The following LPGAT1 variants were observed in gnomAD, a reference collection of about 807,000 sequenced individuals.
The protein encoded by LPGAT1 is acyl-CoA:lysophosphatidylglycerol acyltransferase 1.
LPGAT1 carries 11 observed loss-of-function variants against 47.5 expected under a neutral mutation model. The observed-to-expected ratio is 0.23, with a 90% CI of 0.15 to 0.38. The LOEUF is 0.38. Among genes scored for constraint, LPGAT1 ranks in the 10% least tolerant of loss-of-function variants. The pLI, the probability that LPGAT1 is intolerant of heterozygous loss-of-function variation, is 1.00. For synonymous variants in LPGAT1, 138 were observed against 144.2 expected (o/e 0.96, Z 0.31); for missense variants, 293 against 439.0 (o/e 0.67, Z 2.97).
At chr1:211,784,407 C>A (rs1054192522) in intron 4 of LPGAT1, among the ~76,000 whole-genome samples, 1 of 151,002 alleles carries the variant, frequency 6.6e-6, no homozygotes, top group Admixed American at 6.6e-5. Context: ...AGGAGGATCA[C>A]TTGTGCCCAC....
In LPGAT1 at chr1:211,777,102, C is replaced by T. The variant is rs74630970; in HGVS notation, c.854+1816G>A. On this transcript the variant is annotated intron_variant, in intron 6 of 7. Transcript: ENST00000366997. The stretch of plus-strand genomic sequence containing the variant: ...AATGAACGAAAATTCTGAATTAAAA[C>T]CATTCTTTCTTTCCCTACGCCCCTT... Among the ~76,000 whole-genome samples the T allele has an allele frequency of 5.5e-3, 844 of 152,194 alleles. 6 individuals carry two copies. Among genetic ancestry groups the T allele is most frequent in the African/African-American group, 0.02 (812 of 41,512 alleles).
intron 5 of LPGAT1, 50 bp from the exon 6 acceptor site, chr1:211,779,094 C>T: frequency 6.9e-7 from 1 of 1,447,110 alleles, no homozygotes; most frequent in Non-Finnish European, 9.3e-7. Context: ...TTTATATTAT[C>T]TGCAGCAAAT....
chr1:211,754,946 G>A (rs756871168), intron 6 of LPGAT1, among the ~76,000 whole-genome samples: 48 of 151,874 alleles, frequency 3.2e-4, no homozygotes, highest in Non-Finnish European at 1.6e-4. Flanking sequence ...CCCAGGAGGT[G>A]GAGGTTGCAG....
intron 6 of LPGAT1, among the ~76,000 whole-genome samples, chr1:211,761,191 G>A (rs1657684372): frequency 6.6e-6 from 1 of 152,150 alleles, no homozygotes; most frequent in African/African-American, 2.4e-5. Flanking sequence ...CTCACCAAGG[G>A]AAAGGATTAT....
At chr1:211,750,446 AG>A (rs1657129097) in intron 7 of LPGAT1, among the ~76,000 whole-genome samples, 1 of 152,208 alleles carries the variant, frequency 6.6e-6, no homozygotes, top group South Asian at 2.1e-4. Context: ...AATCTGCATG[AG>A]AGCAGGCACT....
chr1:211,797,639 A>C (rs1258831883), intron 2 of LPGAT1, among the ~76,000 whole-genome samples: 1 of 152,232 alleles, frequency 6.6e-6, no homozygotes, highest in African/African-American at 2.4e-5. Flanking sequence ...CAGATGAAGT[A>C]GCTATGCTCC....
intron 6 of LPGAT1, among the ~76,000 whole-genome samples, chr1:211,756,085 A>C (rs1657436470): frequency 6.6e-6 from 1 of 152,068 alleles, no homozygotes; most frequent in African/African-American, 2.4e-5. Flanking sequence ...AAAATACAAA[A>C]ACTAGCCCGG....
intron 6 of LPGAT1, among the ~76,000 whole-genome samples, chr1:211,752,214 A>G (rs1057063681): frequency 2.6e-5 from 4 of 152,160 alleles, no homozygotes; most frequent in Non-Finnish European, 5.9e-5. Flanking sequence ...TTTTCCATGT[A>G]CATGTAACAA....
rs184369618 is a variant in LPGAT1, at chr1:211,755,839, A to C, written c.855-4772T>G. 1.2e-4 allele frequency among the ~76,000 whole-genome samples: 19 copies of C among 152,370 alleles called. No individual in the cohort carries two copies. In the East Asian group the frequency reaches 2.1e-3, roughly 17 times the overall value. ...TTAATAACCTTCTATCTCCCAAAAT[A>C]CAATACTACATTGCTCTACAGCAGT... On this transcript the variant is annotated intron_variant, in intron 6 of 7. Transcript: ENST00000366997.
intron 6 of LPGAT1, among the ~76,000 whole-genome samples, chr1:211,766,442 A>C (rs1476140076): frequency 1.3e-5 from 2 of 152,150 alleles, no homozygotes; most frequent in Non-Finnish European, 2.9e-5. Context: ...AATACACCTA[A>C]CCTACTGAAC....
rs971058329 is a variant in LPGAT1 at position 211,745,419 on chromosome 1, C to T, written c.*4480G>A. ...TAAGTTACTGTAAAATGCATAGACTCCTTACACGTAAAGAATTTGTGCATC... is the reference window on the plus strand; with the variant it reads ...TAAGTTACTGTAAAATGCATAGACTTCTTACACGTAAAGAATTTGTGCATC... On this transcript the variant is annotated 3_prime_UTR_variant, in exon 8 of 8. Transcript: ENST00000366997. 1.3e-5 allele frequency: 2 copies of T among 152,178 alleles called. No individual in the cohort carries two copies. The highest frequency in any genetic ancestry group is 2.9e-5 in the Non-Finnish European group (2 of 68,036). 9.4% of individuals were successfully genotyped at this position (152,178 alleles called of 1,614,324 possible).
intron 2 of LPGAT1, among the ~76,000 whole-genome samples, chr1:211,795,118 C>T (rs1018117044): frequency 6.6e-6 from 1 of 152,010 alleles, no homozygotes; most frequent in African/African-American, 2.4e-5. Flanking sequence ...ATCGGTTCCA[C>T]AACAATGTGA....
Position 211,830,230 on chromosome 1 carries a change from T to TC in LPGAT1, c.-28+342dup. On this transcript the variant is annotated intron_variant, in intron 1 of 7. Transcript: ENST00000366997. The surrounding 1 kb of genome is among the most constrained non-coding windows in gnomAD (Gnocchi z 5.9). ...CGGCTGCGGAGAGCGGGGGCGGGTG[T>TC]CCCCCGCCGAGGGGTCGCGGTCATG... is the stretch of plus-strand genomic sequence containing the variant. The TC allele has an allele frequency of 1.0e-6, 1 of 983,906 alleles. No individual in the cohort carries two copies. Among genetic ancestry groups the TC allele is most frequent in the Non-Finnish European group, 1.2e-6 (1 of 829,942 alleles). 60.9% of individuals were successfully genotyped at this position (983,906 alleles called of 1,614,324 possible). A position where few individuals can be genotyped will look rare whatever the true frequency, so the allele number is the denominator to read the frequency against.
intron 5 of LPGAT1, 122 bp from the exon 6 acceptor site, chr1:211,779,166 T>A (rs1571720060): frequency 3.0e-6 from 2 of 675,964 alleles, no homozygotes; most frequent in East Asian, 6.2e-5. Flanking sequence ...AGAAAAATTC[T>A]AAGGATGAAC....
chr1:211,808,982 G>C (rs552602405), intron 2 of LPGAT1, among the ~76,000 whole-genome samples: 34 of 151,920 alleles, frequency 2.2e-4, no homozygotes, highest in Non-Finnish European at 4.3e-4. Context: ...CGGATCACGA[G>C]GTCAGGAGAT....
In LPGAT1 at chr1:211,748,115, C is replaced by A. The variant is rs1437956021; in HGVS notation, c.*1784G>T. The A allele has an allele frequency of 1.3e-5, 2 of 152,190 alleles. No individual in the cohort carries two copies. Among genetic ancestry groups the A allele is most frequent in the Non-Finnish European group, 2.9e-5 (2 of 67,950 alleles). The allele number at this position is 152,190 out of a possible 1,614,324, so 9.4% of individuals were successfully genotyped here. A position where few individuals can be genotyped will look rare whatever the true frequency, so the allele number is the denominator to read the frequency against. On this transcript the variant is annotated 3_prime_UTR_variant, in exon 8 of 8. Coordinates refer to ENST00000366997, the MANE Select transcript of LPGAT1 (RefSeq NM_014873.3). ...TGGTTTATTTAAAAATAGAAAACAG[C>A]AACCTTTTTTTGTTTTATAGCCTAC...
At chr1:211,778,139 G>A (rs190124425) in intron 6 of LPGAT1, among the ~76,000 whole-genome samples, 371 of 152,156 alleles carry the variant, frequency 2.4e-3, no homozygotes, top group African/African-American at 8.4e-3. Context: ...TCAGGAGATC[G>A]AGACCATCCT....
At position 211,748,669 on chromosome 1, in the gene LPGAT1, A is replaced by T. The variant is rs1465115753; in HGVS notation, c.*1230T>A. 1 of 152,636 alleles carries T rather than the reference A, an allele frequency of 6.6e-6. No individual in the cohort carries two copies. Among genetic ancestry groups the T allele is most frequent in the Admixed American group, 6.6e-5 (1 of 15,260 alleles). 9.5% of individuals were successfully genotyped at this position (152,636 alleles called of 1,614,324 possible). A position where few individuals can be genotyped will look rare whatever the true frequency, so the allele number is the denominator to read the frequency against. ...CACTGCACTACAGCCTGGGTGACAG[A>T]GTAAGACCTGTCTAAAAAAAAAAGA... is the stretch of plus-strand genomic sequence containing the variant. On this transcript the variant is annotated 3_prime_UTR_variant, in exon 8 of 8. Transcript: ENST00000366997.
At chr1:211,767,369 C>A (rs1657962351) in intron 6 of LPGAT1, among the ~76,000 whole-genome samples, 1 of 152,126 alleles carries the variant, frequency 6.6e-6, no homozygotes, top group South Asian at 2.1e-4. Context: ...CTCCTGACCT[C>A]AAGTGATCCA....
Sources: gnomAD v4.1 joint callset for allele counts (sites outside exome capture counted in the v4.1 genomes callset) on GRCh38, gnomAD v4.1.1 for gene constraint, Gnocchi (gnomAD v3.1) non-coding constraint, MANE v1.5 for transcripts, NCBI Gene and HGNC (gene_info 2026-07-23, HGNC 2026-07-21) for gene names.